Variants in CUL3 observed in about 807,000 individuals in gnomAD.
CUL3 encodes the protein cullin 3.
A neutral mutation model predicts 89.1 loss-of-function variants in CUL3; 19 were observed. The ratio of observed to expected loss-of-function variants is 0.21; its 90% CI spans 0.15 to 0.31. The LOEUF is 0.31. CUL3 is among the 10% of genes least tolerant of loss of function. CUL3 has a pLI of 1.00. For synonymous variants in CUL3, 351 were observed against 308.4 expected (o/e 1.14, Z -1.45); for missense variants, 469 against 942.3 (o/e 0.50, Z 6.58).
At chr2:224,498,253 T>C (rs911279467) in intron 11 of CUL3, among the ~76,000 whole-genome samples, 7 of 152,346 alleles carry the variant, frequency 4.6e-5, no homozygotes, top group Non-Finnish European at 7.3e-5. Context: ...AATGCACATT[T>C]ATAAAATATT....
chr2:224,562,102 A>G (rs1402600409), intron 1 of CUL3, among the ~76,000 whole-genome samples: 5 of 152,368 alleles, frequency 3.3e-5, no homozygotes, highest in African/African-American at 1.2e-4. Flanking sequence ...TTTTTCTACT[A>G]GAAGCTGAAG....
intron 3 of CUL3, among the ~76,000 whole-genome samples, chr2:224,516,910 GCTGGGATTACAGGTGTGAGCCACCGC>G (rs1203155524): frequency 6.6e-6 from 1 of 152,120 alleles, no homozygotes; most frequent in Non-Finnish European, 1.5e-5. Context: ...CTCCCAAAGT[GCTGGGATTACAGGTGTGAGCCACCGC>G]CTGTAAACCT....
At chr2:224,496,773 G>A (rs905790521) in intron 12 of CUL3, among the ~76,000 whole-genome samples, 9 of 152,046 alleles carry the variant, frequency 5.9e-5, no homozygotes, top group African/African-American at 1.4e-4. Context: ...GGGATACAAA[G>A]TGGAACTTTC....
Position 224,585,152 on chromosome 2 carries a change from C to T in CUL3, c.-143G>A, listed in dbSNP as rs556768798. On this transcript the variant is annotated 5_prime_UTR_variant, in exon 1 of 16. Coordinates refer to ENST00000264414, the MANE Select transcript of CUL3 (RefSeq NM_003590.5). ...GGCAGGGCTGGGGAGCTGGCCGGCC[C>T]CTGGGCAGCCGCGGCGGCGGCGGGG... The T allele has an allele frequency of 3.4e-3, 1,453 of 422,016 alleles. 11 individuals carry two copies. Among genetic ancestry groups the T allele is most frequent in the African/African-American group, 0.03 (1,348 of 44,532 alleles). 26.1% of individuals were successfully genotyped at this position (422,016 alleles called of 1,614,324 possible).
chr2:224,544,197 C>T (rs1353988337), intron 2 of CUL3, among the ~76,000 whole-genome samples: 1 of 152,080 alleles, frequency 6.6e-6, no homozygotes, highest in Non-Finnish European at 1.5e-5. Context: ...TTACTTAGCA[C>T]CACTGCAGAA....
intron 3 of CUL3, among the ~76,000 whole-genome samples, chr2:224,535,256 G>C (rs1693846861): frequency 6.6e-6 from 1 of 152,052 alleles, no homozygotes; most frequent in Non-Finnish European, 1.5e-5. Flanking sequence ...GCACGATCTT[G>C]GCTCACCCCC....
chr2:224,488,645 AG>A (rs1315847125), intron 13 of CUL3, among the ~76,000 whole-genome samples: 1 of 152,208 alleles, frequency 6.6e-6, no homozygotes, highest in African/African-American at 2.4e-5. Flanking sequence ...AAAAAAGCCC[AG>A]GATCAGACGG....
intron 3 of CUL3, among the ~76,000 whole-genome samples, chr2:224,517,553 G>A (rs964623342): frequency 2.0e-5 from 3 of 152,144 alleles, no homozygotes; most frequent in Admixed American, 2.0e-4. Flanking sequence ...CGCGCCTGTA[G>A]TCCCAGCTAC....
At chr2:224,511,929 G>C (rs1692840912) in intron 5 of CUL3, among the ~76,000 whole-genome samples, 3 of 151,986 alleles carry the variant, frequency 2.0e-5, no homozygotes, top group Admixed American at 1.3e-4. Flanking sequence ...TTTTTGATTT[G>C]TTTTAATGTA....
chr2:224,557,344 C>T (rs1694744162), intron 2 of CUL3, among the ~76,000 whole-genome samples: 1 of 146,842 alleles, frequency 6.8e-6, no homozygotes, highest in African/African-American at 2.5e-5. Flanking sequence ...TAAAAATGGG[C>T]TGATTAAATC....
At chr2:224,577,343 C>T (rs1165652606) in intron 1 of CUL3, among the ~76,000 whole-genome samples, 4 of 152,082 alleles carry the variant, frequency 2.6e-5, no homozygotes, top group African/African-American at 4.8e-5. Context: ...ATGAGGCAGA[C>T]GGATCACGAG....
rs1325192301 is a variant in CUL3 at position 224,506,077 on chromosome 2, T to C, written c.1085A>G (p.Asn362Ser). ...FDRFLLESFNNDRLFKQTIAG... is the reference protein window; with the variant it reads ...FDRFLLESFNSDRLFKQTIAG... ...AATAGTTTGTTTAAAGAGACGGTCATTGTTGAATGATTCCAGGAGGAAGCG... is the reference window on the plus strand; with the variant it reads ...AATAGTTTGTTTAAAGAGACGGTCACTGTTGAATGATTCCAGGAGGAAGCG... The change falls in exon 8 of 16, where the codon AAT (asparagine) becomes AGT (serine). Residue 362 changes from asparagine (N) to serine (S), a missense_variant. Asn to Ser is a conservative substitution (Grantham distance 46). Around this residue, in one of 4 missense-constraint regions of CUL3, gnomAD observed 370 missense variants for 733.2 expected, o/e 0.50. Coordinates refer to ENST00000264414, the MANE Select transcript of CUL3 (RefSeq NM_003590.5). 2 of 1,612,678 alleles carry C rather than the reference T, an allele frequency of 1.2e-6. No homozygotes were observed. Among genetic ancestry groups the C allele is most frequent in the East Asian group, 2.2e-5 (1 of 44,774 alleles).
At chr2:224,521,703 A>C (rs1476719908) in intron 3 of CUL3, among the ~76,000 whole-genome samples, 1 of 151,590 alleles carries the variant, frequency 6.6e-6, no homozygotes, top group Non-Finnish European at 1.5e-5. Flanking sequence ...TTTTACTACT[A>C]CTCCTAATAG....
intron 2 of CUL3, among the ~76,000 whole-genome samples, chr2:224,551,200 C>A (rs1013847326): frequency 2.0e-5 from 3 of 150,752 alleles, no homozygotes; most frequent in African/African-American, 7.4e-5. Context: ...CCACCAAGCC[C>A]GGCAATTTTT....
At chr2:224,554,540 C>A (rs1694633723) in intron 2 of CUL3, among the ~76,000 whole-genome samples, 1 of 152,136 alleles carries the variant, frequency 6.6e-6, no homozygotes, top group South Asian at 2.1e-4. Flanking sequence ...GAATTCAGTT[C>A]CGGCTAGGCC....
At chr2:224,518,590 A>G (rs542633932) in intron 3 of CUL3, among the ~76,000 whole-genome samples, 1 of 152,178 alleles carries the variant, frequency 6.6e-6, no homozygotes, top group Non-Finnish European at 1.5e-5. Context: ...AGTAAGAATA[A>G]TATTTGATGT....
chr2:224,494,274 A>G (rs1692085897), intron 13 of CUL3, among the ~76,000 whole-genome samples: 1 of 152,182 alleles, frequency 6.6e-6, no homozygotes, highest in Non-Finnish European at 1.5e-5. Context: ...ATTAAGTACA[A>G]ATATGGAATT....
intron 2 of CUL3, among the ~76,000 whole-genome samples, chr2:224,548,004 A>G (rs1037399555): frequency 2.0e-5 from 3 of 152,252 alleles, no homozygotes; most frequent in African/African-American, 7.2e-5. Context: ...GTTCACACAG[A>G]GACAGCATTT....
At chr2:224,494,000 G>A (rs1692077491) in intron 13 of CUL3, among the ~76,000 whole-genome samples, 1 of 152,058 alleles carries the variant, frequency 6.6e-6, no homozygotes, top group Non-Finnish European at 1.5e-5. Context: ...TACTCCCTAG[G>A]TAAGACCCAC....
Sources: allele counts gnomAD v4.1 joint callset (sites outside exome capture counted in the v4.1 genomes callset), GRCh38; gene constraint gnomAD v4.1.1; regional missense constraint gnomAD v4.1.1; transcripts MANE v1.5; gene names NCBI Gene and HGNC (gene_info 2026-07-23, HGNC 2026-07-21).